The following LRRC4C variants were observed in gnomAD, a reference collection of about 807,000 sequenced individuals.
LRRC4C encodes leucine rich repeat containing 4C, also known as leucine-rich repeat-containing protein 4C.
A neutral mutation model predicts 33.6 loss-of-function variants in LRRC4C; 5 were observed. The ratio of observed to expected loss-of-function variants is 0.15; its 90% CI spans 0.08 to 0.31. LRRC4C has a LOEUF of 0.31. LRRC4C is among the 10% of genes least tolerant of loss of function. LRRC4C has a pLI of 1.00. For synonymous variants in LRRC4C, 329 were observed against 302.0 expected, an observed-to-expected ratio of 1.09 and a Z score of -0.93; for missense variants, 560 against 796.7, an observed-to-expected ratio of 0.70 and a Z score of 3.58.
At chr11:40,367,919 T>C (rs1334847308) in intron 3 of LRRC4C, among the ~76,000 whole-genome samples, 2 of 151,850 alleles carry the variant, frequency 1.3e-5, no homozygotes, top group African/African-American at 2.4e-5. Flanking sequence ...GTCTTTAGTA[T>C]AATGTCCCAT....
At chr11:41,396,603 A>G (rs1472575937) in intron 1 of LRRC4C, among the ~76,000 whole-genome samples, 2 of 151,994 alleles carry the variant, frequency 1.3e-5, no homozygotes, top group Admixed American at 1.3e-4. Flanking sequence ...TGATATGGGT[A>G]GTTTTTTAAC....
chr11:40,329,981 TC>T (rs1392027627), intron 3 of LRRC4C, among the ~76,000 whole-genome samples: 1 of 152,090 alleles, frequency 6.6e-6, no homozygotes, highest in Non-Finnish European at 1.5e-5. Flanking sequence ...GACCTCGTGA[TC>T]CACCCACTTC....
At chr11:40,543,861 G>A (rs917595329) in intron 3 of LRRC4C, among the ~76,000 whole-genome samples, 1 of 151,906 alleles carries the variant, frequency 6.6e-6, no homozygotes, top group Non-Finnish European at 1.5e-5. Context: ...TAAAATACAT[G>A]GGTGTATTAC....
intron 1 of LRRC4C, among the ~76,000 whole-genome samples, chr11:41,183,354 A>G (rs1161265954): frequency 6.6e-6 from 1 of 152,180 alleles, no homozygotes; most frequent in Non-Finnish European, 1.5e-5. Flanking sequence ...AGTACATTGT[A>G]TGTACTTCCT....
At position 40,238,980 on chromosome 11, in the gene LRRC4C, G is replaced by C. The variant is rs148619379; in HGVS notation, c.-96+2539C>G. On this transcript the variant is annotated intron_variant, in intron 5 of 6. Transcript: ENST00000528697. ...CCATACAAGACCTAGGGTATAAGCT[G>C]AATTCCAAAGAACGACATTTAAATT... Among the ~76,000 whole-genome samples the C allele has an allele frequency of 1.6e-3, 239 of 152,246 alleles. 3 individuals are homozygous for C. Among genetic ancestry groups the C allele is most frequent in the African/African-American group, 5.6e-3 (231 of 41,568 alleles).
intron 1 of LRRC4C, among the ~76,000 whole-genome samples, chr11:41,069,640 C>T (rs553253740): frequency 6.6e-6 from 1 of 152,014 alleles, no homozygotes; most frequent in East Asian, 1.9e-4. Context: ...AGCAGAGAGC[C>T]AAATCATGAA....
intron 1 of LRRC4C, among the ~76,000 whole-genome samples, chr11:41,290,396 G>A (rs376737841): frequency 2.0e-5 from 3 of 152,290 alleles, no homozygotes; most frequent in South Asian, 2.1e-4. Context: ...ATGTTCCTAC[G>A]AGTAAGCAGT....
chr11:40,723,210 A>G (rs1947115396), intron 2 of LRRC4C, among the ~76,000 whole-genome samples: 1 of 152,144 alleles, frequency 6.6e-6, no homozygotes, highest in South Asian at 2.1e-4. Flanking sequence ...AAAATTTCCC[A>G]AAGCTCACTA....
chr11:41,408,913 T>C (rs1954352316), intron 1 of LRRC4C, among the ~76,000 whole-genome samples: 1 of 152,148 alleles, frequency 6.6e-6, no homozygotes, highest in African/African-American at 2.4e-5. Flanking sequence ...CTGGCTGCCT[T>C]ATGATCACAG....
intron 1 of LRRC4C, among the ~76,000 whole-genome samples, chr11:41,212,160 T>A (rs1946850626): frequency 6.6e-6 from 1 of 152,232 alleles, no homozygotes; most frequent in Non-Finnish European, 1.5e-5. Context: ...GAAGAAGGCA[T>A]AGTCTTCCTT....
At chr11:40,691,272 C>T (rs977785902) in intron 2 of LRRC4C, among the ~76,000 whole-genome samples, 2 of 151,962 alleles carry the variant, frequency 1.3e-5, no homozygotes, top group African/African-American at 4.8e-5. Flanking sequence ...CCTGGAGAAG[C>T]ACTCCAGAAT....
chr11:40,840,254 G>C (rs188084816), intron 2 of LRRC4C, among the ~76,000 whole-genome samples: 1 of 152,174 alleles, frequency 6.6e-6, no homozygotes, highest in African/African-American at 2.4e-5. Context: ...TAAATCAAAA[G>C]AAAAATGCAC....
At chr11:41,359,280 A>G (rs768129038) in intron 1 of LRRC4C, among the ~76,000 whole-genome samples, 2 of 152,228 alleles carry the variant, frequency 1.3e-5, no homozygotes, top group Non-Finnish European at 2.9e-5. Context: ...ACATGTCATT[A>G]TATATTTGCC....
At chr11:40,751,524 T>C (rs902513360) in intron 2 of LRRC4C, among the ~76,000 whole-genome samples, 23 of 151,766 alleles carry the variant, frequency 1.5e-4, no homozygotes, top group African/African-American at 5.6e-4. Flanking sequence ...AAAAAAGAAA[T>C]ACCTAGGAAT....
At chr11:40,956,024 T>C (rs1446573258) in intron 1 of LRRC4C, among the ~76,000 whole-genome samples, 1 of 151,844 alleles carries the variant, frequency 6.6e-6, no homozygotes, top group Admixed American at 6.6e-5. Flanking sequence ...CCAACCAGTC[T>C]TTTTGGTTTT....
chr11:40,338,680 T>A (rs923952652), intron 3 of LRRC4C, among the ~76,000 whole-genome samples: 1 of 152,042 alleles, frequency 6.6e-6, no homozygotes, highest in African/African-American at 2.4e-5. Context: ...TTTGAAAGTA[T>A]TTTTTTTAAA....
intron 1 of LRRC4C, among the ~76,000 whole-genome samples, chr11:41,327,331 G>T (rs1445695711): frequency 1.3e-5 from 2 of 152,202 alleles, no homozygotes; most frequent in Non-Finnish European, 2.9e-5. Context: ...TGGTGGGACT[G>T]CAGCAGCCCT....
intron 3 of LRRC4C, among the ~76,000 whole-genome samples, chr11:40,607,107 C>A (rs1474091450): frequency 1.3e-5 from 2 of 152,224 alleles, no homozygotes; most frequent in East Asian, 3.9e-4. Context: ...ATGTATCTGG[C>A]AAATCATCCT....
chr11:40,207,852 A>T (rs1051207489), intron 5 of LRRC4C, among the ~76,000 whole-genome samples: 2 of 152,192 alleles, frequency 1.3e-5, no homozygotes, highest in Non-Finnish European at 2.9e-5. Context: ...CTTAAGCTTT[A>T]AAGATAGCAT....
Sources: allele counts gnomAD v4.1 joint callset (sites outside exome capture counted in the v4.1 genomes callset), GRCh38; gene constraint gnomAD v4.1.1; transcripts MANE v1.5; gene names NCBI Gene and HGNC (gene_info 2026-07-23, HGNC 2026-07-21).